The following NOCT variants were observed in gnomAD, a reference collection of about 807,000 sequenced individuals.
The protein encoded by NOCT is nocturnin, also known as CCR4 carbon catabolite repression 4-like.
Under a neutral mutation model 35.0 loss-of-function variants are expected in NOCT, and 18 were observed. That is an observed-to-expected ratio of 0.51 (90% CI 0.36 to 0.76). The LOEUF is 0.76. Ranked by LOEUF, NOCT falls within the 30% of genes least tolerant of loss-of-function variation. NOCT has a pLI of 0.01. For synonymous variants in NOCT, 235 were observed against 226.3 expected (o/e 1.04, Z -0.34); for missense variants, 479 against 541.0 (o/e 0.89, Z 1.14).
chr4:139,029,195 G>A (rs980643979), intron 1 of NOCT, among the ~76,000 whole-genome samples: 3 of 152,214 alleles, frequency 2.0e-5, no homozygotes, highest in Middle Eastern at 3.2e-3. Context: ...GAATGAAACA[G>A]AATAGCTAAC....
chr4:139,032,741 T>C (rs993326179), intron 1 of NOCT, among the ~76,000 whole-genome samples: 8 of 152,162 alleles, frequency 5.3e-5, no homozygotes, highest in African/African-American at 1.9e-4. Context: ...AAATAAGCTT[T>C]GAATATTGAG....
rs1261026945 is a variant in NOCT, at chr4:139,023,718, G to A, written c.190+7547G>A. Among the ~76,000 whole-genome samples, 9 of 152,054 alleles carry A rather than the reference G, an allele frequency of 5.9e-5. No homozygotes were observed. The East Asian group carries it at 1.7e-3, about 29-fold the overall frequency. On this transcript the variant is annotated intron_variant, in intron 1 of 2. Transcript: ENST00000280614. ...TTGCCATGTTGGTCAGGCTGTTCTC[G>A]AACTCCTGACCTCAGGTGATACACC... is the stretch of plus-strand genomic sequence containing the variant.
intron 1 of NOCT, among the ~76,000 whole-genome samples, chr4:139,021,763 G>GTTTTTT (rs1560729106): frequency 3.9e-5 from 1 of 25,582 alleles, no homozygotes; most frequent in African/African-American, 1.2e-4. Context: ...CAGTTTTTCT[G>GTTTTTT]GTTTTTTTTT....
At position 139,045,803 on chromosome 4, in the gene NOCT, C is replaced by T. The variant is rs760757770; in HGVS notation, c.*329C>T. The stretch of plus-strand genomic sequence containing the variant: ...GTTTCAGGAAACAAATAGGATAAGA[C>T]AATGCCAGAGGAAGGATAGAAACAT... On this transcript the variant is annotated 3_prime_UTR_variant, in exon 3 of 3. Coordinates refer to ENST00000280614, the MANE Select transcript of NOCT (RefSeq NM_012118.4). 3 of 182,588 alleles carry T rather than the reference C, an allele frequency of 1.6e-5. No homozygotes were observed. Among genetic ancestry groups the T allele is most frequent in the Non-Finnish European group, 3.4e-5 (3 of 88,002 alleles). The allele number at this position is 182,588 out of a possible 1,614,324, so 11.3% of individuals were successfully genotyped here. A position where few individuals can be genotyped will look rare whatever the true frequency, so the allele number is the denominator to read the frequency against.
At chr4:139,040,020 G>T (rs1179639639) in intron 1 of NOCT, among the ~76,000 whole-genome samples, 13 of 148,808 alleles carry the variant, frequency 8.7e-5, no homozygotes, top group Admixed American at 5.4e-4. Flanking sequence ...GAGCCACCGC[G>T]TCCGGCCTCT....
chr4:139,043,962 A>G (rs1726885412), intron 2 of NOCT: 1 of 141,998 alleles, frequency 7.0e-6, no homozygotes, highest in African/African-American at 2.6e-5. Flanking sequence ...AGAGTGAGAC[A>G]CTGTCTCAAA....
intron 1 of NOCT, among the ~76,000 whole-genome samples, chr4:139,031,336 A>C (rs188207545): frequency 1.3e-5 from 2 of 152,084 alleles, no homozygotes; most frequent in African/African-American, 4.8e-5. Flanking sequence ...TTTTTAGTAG[A>C]GACGGGGTTT....
chr4:139,039,836 T>G (rs1726803353), intron 1 of NOCT, among the ~76,000 whole-genome samples: 1 of 151,942 alleles, frequency 6.6e-6, no homozygotes, highest in Non-Finnish European at 1.5e-5. Context: ...CAAGCGATTC[T>G]CCTGCCTCAC....
At chr4:139,023,621 G>A (rs765997527) in intron 1 of NOCT, among the ~76,000 whole-genome samples, 3 of 152,028 alleles carry the variant, frequency 2.0e-5, no homozygotes, top group Non-Finnish European at 4.4e-5. Flanking sequence ...TCAGCCTCCC[G>A]AGTAGCTGGG....
At chr4:139,031,445 G>A (rs1481011482) in intron 1 of NOCT, among the ~76,000 whole-genome samples, 3 of 151,564 alleles carry the variant, frequency 2.0e-5, no homozygotes, top group East Asian at 2.0e-4. Flanking sequence ...CACCACGCCC[G>A]GCCTGCCCTG....
chr4:139,043,407 C>T (rs764997489), intron 2 of NOCT, 64 bp downstream of exon 2: 4 of 1,489,750 alleles, frequency 2.7e-6, no homozygotes, highest in East Asian at 4.5e-5. Flanking sequence ...TGCTTCTGCA[C>T]ATCCACAGTG....
intron 1 of NOCT, among the ~76,000 whole-genome samples, chr4:139,041,954 T>C (rs1726838278): frequency 1.3e-5 from 2 of 152,182 alleles, no homozygotes; most frequent in Admixed American, 6.5e-5. Flanking sequence ...CAGAGGGATC[T>C]GTATAGATGA....
intron 1 of NOCT, among the ~76,000 whole-genome samples, chr4:139,035,454 T>C (rs187874642): frequency 1.6e-3 from 250 of 152,280 alleles, no homozygotes; most frequent in Middle Eastern, 3.4e-3. Flanking sequence ...CCTTTTTGAC[T>C]GCTGTTTGTC....
At chr4:139,028,670 A>C (rs919737551) in intron 1 of NOCT, among the ~76,000 whole-genome samples, 1 of 152,246 alleles carries the variant, frequency 6.6e-6, no homozygotes, top group Non-Finnish European at 1.5e-5. Flanking sequence ...GCTGACGAGC[A>C]GCAGTCCAAG....
chr4:139,016,982 T>TTTTTTTTGG (rs1726323401), intron 1 of NOCT, among the ~76,000 whole-genome samples: 2 of 150,222 alleles, frequency 1.3e-5, no homozygotes, highest in East Asian at 1.9e-4. Context: ...TTTTTTTTTT[T>TTTTTTTTGG]GGAGGCTTCC....
intron 2 of NOCT, among the ~76,000 whole-genome samples, chr4:139,044,295 G>T (rs887759737): frequency 4.6e-5 from 7 of 151,646 alleles, no homozygotes; most frequent in Admixed American, 2.0e-4. Context: ...TAAATATTTG[G>T]TGTTTAAAAA....
intron 1 of NOCT, among the ~76,000 whole-genome samples, chr4:139,029,024 A>G (rs1578628062): frequency 6.6e-6 from 1 of 150,594 alleles, no homozygotes; most frequent in Non-Finnish European, 1.5e-5. Context: ...TTTTTAATAG[A>G]GACGTGGTTT....
intron 1 of NOCT, among the ~76,000 whole-genome samples, chr4:139,040,522 C>T (rs960746247): frequency 1.3e-5 from 2 of 152,098 alleles, no homozygotes; most frequent in African/African-American, 4.8e-5. Context: ...TTTCTGATTT[C>T]ACGTACTCCT....
intron 1 of NOCT, among the ~76,000 whole-genome samples, chr4:139,016,738 C>T (rs1385734111): frequency 1.3e-5 from 2 of 149,514 alleles, no homozygotes; most frequent in Non-Finnish European, 3.0e-5. Flanking sequence ...ACCGCAACCT[C>T]CCGCTCCCGG....
Sources: gnomAD v4.1 joint callset for allele counts (sites outside exome capture counted in the v4.1 genomes callset) on GRCh38, gnomAD v4.1.1 for gene constraint, MANE v1.5 for transcripts, NCBI Gene and HGNC (gene_info 2026-07-23, HGNC 2026-07-21) for gene names.